TRAT1: variants seen among roughly 807,000 people sequenced by gnomAD.
TRAT1 encodes the protein T cell receptor associated transmembrane adaptor 1.
Under a neutral mutation model 20.0 loss-of-function variants are expected in TRAT1, and 20 were observed. The observed-to-expected ratio is 1.00, with a 90% confidence interval of 0.70 to 1.45. The LOEUF (loss-of-function observed/expected upper bound fraction) is 1.45, where lower values mean the gene tolerates loss of function less well. TRAT1 is among the 40% of genes most tolerant of loss of function. The probability of loss-of-function intolerance (pLI) is 0.00; values close to 1 mark genes in which losing one functional copy is unlikely to be tolerated. For synonymous variants in TRAT1, 77 were observed against 74.2 expected, an observed-to-expected ratio of 1.04 and a Z score of -0.20; for missense variants, 237 against 224.1, an observed-to-expected ratio of 1.06 and a Z score of -0.37.
At chr3:108,833,194 G>A (rs890212329) in intron 2 of TRAT1, among the ~76,000 whole-genome samples, 1 of 152,138 alleles carries the variant, frequency 6.6e-6, no homozygotes. Context: ...GAGGTGGGTG[G>A]ATTGCCTGAG....
At chr3:108,832,556 A>G (rs551116793) in intron 2 of TRAT1, among the ~76,000 whole-genome samples, 1 of 152,320 alleles carries the variant, frequency 6.6e-6, no homozygotes. Context: ...TTATTAAGAT[A>G]TCTTATAAAT....
At chr3:108,835,531 C>T (rs191857702) in intron 2 of TRAT1, among the ~76,000 whole-genome samples, 10 of 152,300 alleles carry the variant, frequency 6.6e-5, no homozygotes, top group Admixed American at 5.9e-4. Context: ...CTTCTCACTA[C>T]GGCTCATTTA....
At chr3:108,853,253 C>T (rs1946013208) in intron 5 of TRAT1, among the ~76,000 whole-genome samples, 1 of 152,126 alleles carries the variant, frequency 6.6e-6, no homozygotes, top group African/African-American at 2.4e-5. Context: ...CATGCTTATT[C>T]CTACTTTAAT....
intron 5 of TRAT1, among the ~76,000 whole-genome samples, chr3:108,852,937 C>T (rs1946010007): frequency 6.6e-6 from 1 of 152,184 alleles, no homozygotes; most frequent in South Asian, 2.1e-4. Flanking sequence ...TCCTGTCTTT[C>T]TTTAGTATTG....
At chr3:108,850,386 C>A (rs1945987781) in intron 5 of TRAT1, among the ~76,000 whole-genome samples, 1 of 151,458 alleles carries the variant, frequency 6.6e-6, no homozygotes, top group Non-Finnish European at 1.5e-5. Flanking sequence ...CTCACTGCAA[C>A]CTCTGCCTCC....
intron 5 of TRAT1, among the ~76,000 whole-genome samples, chr3:108,851,732 T>G (rs1049652751): frequency 2.6e-5 from 4 of 152,176 alleles, no homozygotes; most frequent in African/African-American, 9.7e-5. Flanking sequence ...TAGATACACA[T>G]TCATTTACCC....
intron 3 of TRAT1, among the ~76,000 whole-genome samples, chr3:108,842,592 C>T (rs1293718138): frequency 6.6e-6 from 1 of 152,182 alleles, no homozygotes; most frequent in East Asian, 1.9e-4. Context: ...TGTATAACTA[C>T]AAGAAGTCTG....
rs1945986774 is a variant in TRAT1 at position 108,850,298 on chromosome 3, CT to C, written c.303+1048del. Among the ~76,000 whole-genome samples the C allele has an allele frequency of 3.0e-5, 4 of 131,276 alleles. No individual in the cohort carries two copies. In the South Asian group the frequency reaches 1.1e-3, roughly 37 times the overall value. The allele number at this position is 131,276 out of a possible 152,430, so 86.1% of individuals were successfully genotyped here. ...TAGATAAATCCCCTAAGAAATCAAACTTTTAAACTTTTTTTTTTTTTTGAGA... is the reference window on the plus strand; with the variant it reads ...TAGATAAATCCCCTAAGAAATCAAACTTTAAACTTTTTTTTTTTTTTGAGA... On this transcript the variant is annotated intron_variant, in intron 5 of 5. Coordinates refer to ENST00000295756, the MANE Select transcript of TRAT1 (RefSeq NM_016388.4).
intron 2 of TRAT1, 72 bp from the exon 3 acceptor site, chr3:108,838,862 A>G (rs1248597504): frequency 3.3e-6 from 4 of 1,210,772 alleles, no homozygotes; most frequent in Non-Finnish European, 4.9e-6. Flanking sequence ...CTCCCCTCAG[A>G]ACACACTTTA....
intron 2 of TRAT1, among the ~76,000 whole-genome samples, chr3:108,835,105 T>G (rs943250183): frequency 1.3e-5 from 2 of 152,230 alleles, no homozygotes; most frequent in African/African-American, 4.8e-5. Flanking sequence ...TAGGAAATTA[T>G]GGCATCTTCA....
chr3:108,852,462 G>A (rs1418994146), intron 5 of TRAT1, among the ~76,000 whole-genome samples: 1 of 152,142 alleles, frequency 6.6e-6, no homozygotes, highest in African/African-American at 2.4e-5. Flanking sequence ...CTATCTGGCA[G>A]AGAATATAAA....
Position 108,834,298 on chromosome 3 carries a change from C to T in TRAT1, c.118+3518C>T, listed in dbSNP as rs951946223. 3.9e-5 allele frequency among the ~76,000 whole-genome samples: 6 copies of T among 152,150 alleles called. No individual in the cohort carries two copies. The South Asian group carries it at 1.0e-3, about 26-fold the overall frequency. ...CTGGAACTTGCATTTTATTGGTGTG[C>T]AATTGATGTATTCATCAACGCTAAG... On this transcript the variant is annotated intron_variant, in intron 2 of 5. Transcript: ENST00000295756.
intron 3 of TRAT1, among the ~76,000 whole-genome samples, chr3:108,843,403 G>A (rs1039966349): frequency 1.1e-4 from 17 of 152,154 alleles, no homozygotes; most frequent in South Asian, 4.2e-4. Flanking sequence ...GTCGTCATGC[G>A]CCTGTAGTCC....
In TRAT1 at chr3:108,839,018, T is replaced by C. The variant is rs780476800; in HGVS notation, c.152+51T>C. The C allele has an allele frequency of 2.1e-5, 28 of 1,350,402 alleles. No homozygotes were observed. The South Asian group carries it at 3.2e-4, about 15-fold the overall frequency. The allele number at this position is 1,350,402 out of a possible 1,614,324, so 83.7% of individuals were successfully genotyped here. On this transcript the variant is annotated intron_variant, in intron 3 of 5. Coordinates refer to ENST00000295756, the MANE Select transcript of TRAT1 (RefSeq NM_016388.4). ...ATGATTCCCAACTAATAAGCAAAAG[T>C]AACAATGCTATATTGTTTAAAGATT...
chr3:108,849,035 C>A (rs534823677), intron 4 of TRAT1, 131 bp from the exon 5 acceptor site: 4 of 755,850 alleles, frequency 5.3e-6, no homozygotes, highest in Non-Finnish European at 8.7e-6. Context: ...TCTATCTCCA[C>A]CAAAAAGACT....
rs547818833 is a variant in TRAT1 at position 108,838,919 on chromosome 3, T to C, written c.119-15T>C. On this transcript the variant is annotated splice_polypyrimidine_tract_variant and intron_variant, in intron 2 of 5. Coordinates refer to ENST00000295756, the MANE Select transcript of TRAT1 (RefSeq NM_016388.4). ...CAACATTTCTTTTAACTTGTCTATT[T>C]TGAATATCTTTCAGATAAAATGTAC... The C allele has an allele frequency of 1.6e-5, 25 of 1,594,496 alleles. No homozygotes were observed. The highest frequency in any genetic ancestry group is 2.0e-5 in the Non-Finnish European group (23 of 1,162,204).
intron 2 of TRAT1, among the ~76,000 whole-genome samples, chr3:108,831,978 CAT>C (rs1282366519): frequency 1.3e-5 from 2 of 152,164 alleles, no homozygotes; most frequent in Non-Finnish European, 2.9e-5. Context: ...AACTTAGACA[CAT>C]GTGTCCAAGA....
At chr3:108,827,623 T>TA (rs1945753809) in intron 1 of TRAT1, among the ~76,000 whole-genome samples, 1 of 152,108 alleles carries the variant, frequency 6.6e-6, no homozygotes, top group African/African-American at 2.4e-5. Context: ...GTATTATTTT[T>TA]AAAAACTTGG....
chr3:108,824,494 A>C (rs1945719215), intron 1 of TRAT1, among the ~76,000 whole-genome samples: 1 of 152,168 alleles, frequency 6.6e-6, no homozygotes, highest in African/African-American at 2.4e-5. Flanking sequence ...TGGATTTTTA[A>C]ACTGTTTATA....
Sources: allele counts gnomAD v4.1 joint callset (sites outside exome capture counted in the v4.1 genomes callset), GRCh38; gene constraint gnomAD v4.1.1; transcripts MANE v1.5; gene names NCBI Gene and HGNC (gene_info 2026-07-23, HGNC 2026-07-21).